The following TANC2 variants were observed in gnomAD, a reference collection of about 807,000 sequenced individuals.
The protein encoded by TANC2 is protein TANC2.
Under a neutral mutation model 210.5 loss-of-function variants are expected in TANC2, and 26 were observed. The ratio of observed to expected loss-of-function variants is 0.12; its 90% confidence interval spans 0.09 to 0.17. TANC2 has a LOEUF of 0.17. Ranked by LOEUF, TANC2 falls within the 10% of genes least tolerant of loss-of-function variation. The pLI is 1.00. For synonymous variants in TANC2, 931 were observed against 967.1 expected (o/e 0.96, Z 0.69); for missense variants, 2,129 against 2,608.9 (o/e 0.82, Z 4.01).
chr17:63,246,546 G>C (rs1419010051), intron 8 of TANC2, among the ~76,000 whole-genome samples: 1 of 152,062 alleles, frequency 6.6e-6, no homozygotes, highest in African/African-American at 2.4e-5. Context: ...TTCTGGAAAT[G>C]TCACATAAAT....
chr17:63,392,491 A>T (rs906046476), intron 17 of TANC2, among the ~76,000 whole-genome samples: 4 of 152,128 alleles, frequency 2.6e-5, no homozygotes. Flanking sequence ...TGTTATCCTC[A>T]AAAGAGCTTG....
chr17:63,298,569 T>C (rs1355095302), intron 9 of TANC2, among the ~76,000 whole-genome samples: 1 of 152,136 alleles, frequency 6.6e-6, no homozygotes, highest in East Asian at 1.9e-4. Context: ...AGGGTTTTAT[T>C]TTGGAGCAAC....
At chr17:63,010,383 A>G (rs1270013936) in intron 2 of TANC2, among the ~76,000 whole-genome samples, 4 of 151,872 alleles carry the variant, frequency 2.6e-5, no homozygotes, top group Non-Finnish European at 5.9e-5. Context: ...TGTAAGAACA[A>G]ACTCCCCTAC....
intron 14 of TANC2, among the ~76,000 whole-genome samples, chr17:63,375,095 A>C (rs2047384499): frequency 6.6e-6 from 1 of 152,240 alleles, no homozygotes; most frequent in Non-Finnish European, 1.5e-5. Context: ...GAGATCCAGC[A>C]GACCGAGAAG....
At chr17:63,222,959 A>G (rs2042235580) in intron 7 of TANC2, among the ~76,000 whole-genome samples, 1 of 152,254 alleles carries the variant, frequency 6.6e-6, no homozygotes, top group African/African-American at 2.4e-5. Flanking sequence ...ATGAAAAGGT[A>G]TGACACACTG....
intron 4 of TANC2, among the ~76,000 whole-genome samples, chr17:63,102,861 TA>T (rs1376186924): frequency 6.6e-6 from 1 of 152,142 alleles, no homozygotes; most frequent in East Asian, 1.9e-4. Flanking sequence ...ATATTTTTCT[TA>T]AAAAAACCAT....
intron 1 of TANC2, chr17:63,004,850 GT>G: frequency 3.1e-6 from 1 of 323,692 alleles, no homozygotes. Context: ...TTTGGCCCTG[GT>G]TTTAGAGGAG....
intron 9 of TANC2, among the ~76,000 whole-genome samples, chr17:63,286,508 A>G (rs1230399477): frequency 6.6e-6 from 1 of 151,882 alleles, no homozygotes; most frequent in Non-Finnish European, 1.5e-5. Flanking sequence ...TCTGTACTTA[A>G]TGTCATTTCT....
At chr17:63,211,735 A>G (rs551300245) in intron 7 of TANC2, among the ~76,000 whole-genome samples, 2 of 152,294 alleles carry the variant, frequency 1.3e-5, no homozygotes, top group Admixed American at 1.3e-4. Flanking sequence ...AGAAACTGCC[A>G]TGTTCATTTT....
intron 1 of TANC2, among the ~76,000 whole-genome samples, chr17:62,999,322 C>T (rs1156503179): frequency 2.0e-5 from 3 of 152,194 alleles, no homozygotes; most frequent in Non-Finnish European, 4.4e-5. Context: ...GCTGTGCTTC[C>T]TGTACAGCCT....
At chr17:62,968,453 G>T (rs2031491118) in intron 1 of TANC2, 1 of 152,136 alleles carries the variant, frequency 6.6e-6, no homozygotes, top group South Asian at 2.1e-4. Flanking sequence ...GATTTTCCTT[G>T]GTGATTGATT....
chr17:63,263,778 A>C (rs1194886099), intron 8 of TANC2, among the ~76,000 whole-genome samples: 1 of 152,158 alleles, frequency 6.6e-6, no homozygotes, highest in African/African-American at 2.4e-5. Flanking sequence ...ATTTTTGAGC[A>C]CCTATTTTAT....
intron 8 of TANC2, among the ~76,000 whole-genome samples, chr17:63,258,142 AT>A (rs901372146): frequency 7.9e-5 from 12 of 151,866 alleles, no homozygotes; most frequent in African/African-American, 2.9e-4. Flanking sequence ...CTACCATAGA[AT>A]TTTTTTTCTC....
chr17:63,117,593 G>A (rs1463209798), intron 4 of TANC2, among the ~76,000 whole-genome samples: 1 of 152,206 alleles, frequency 6.6e-6, no homozygotes, highest in Admixed American at 6.5e-5. Context: ...AGTATCACCT[G>A]TAACGCACAG....
intron 9 of TANC2, among the ~76,000 whole-genome samples, chr17:63,291,403 T>C (rs926155488): frequency 3.9e-5 from 6 of 152,212 alleles, no homozygotes; most frequent in African/African-American, 1.4e-4. Flanking sequence ...GAAATCATAT[T>C]AGCTTTATTC....
intron 2 of TANC2, among the ~76,000 whole-genome samples, chr17:63,071,451 T>C (rs78163183): frequency 0.029 from 4,487 of 152,136 alleles, 82 homozygotes; most frequent in South Asian, 0.038. Flanking sequence ...ATCATTTTGC[T>C]CAGCCCTAGA....
At chr17:63,322,729 AGAT>A (rs949364877) in intron 11 of TANC2, among the ~76,000 whole-genome samples, 5 of 152,250 alleles carry the variant, frequency 3.3e-5, no homozygotes, top group African/African-American at 1.2e-4. Context: ...GTATGTCAGA[AGAT>A]GATAAGTGCT....
intron 18 of TANC2, among the ~76,000 whole-genome samples, chr17:63,397,617 A>G (rs1366591113): frequency 1.3e-5 from 2 of 152,186 alleles, no homozygotes; most frequent in Non-Finnish European, 2.9e-5. Flanking sequence ...TACTCCCATC[A>G]TGGCCAATTT....
chr17:63,220,721 T>C (rs11657538), intron 7 of TANC2, among the ~76,000 whole-genome samples: 2 of 126,064 alleles, frequency 1.6e-5, no homozygotes, highest in South Asian at 4.9e-4. Flanking sequence ...AAAAAAAAAA[T>C]ATATATATAT....
Sources: gnomAD v4.1 joint callset for allele counts (sites outside exome capture counted in the v4.1 genomes callset) on GRCh38, gnomAD v4.1.1 for gene constraint, MANE v1.5 for transcripts, NCBI Gene and HGNC (gene_info 2026-07-23, HGNC 2026-07-21) for gene names.